Variants in KCMF1 observed in about 807,000 individuals in gnomAD.
The protein encoded by KCMF1 is E3 ubiquitin-protein ligase KCMF1.
In KCMF1, 3 loss-of-function variants were observed where a neutral mutation model predicts 41.1. That is an observed-to-expected ratio of 0.07 (90% CI 0.03 to 0.19). The LOEUF (loss-of-function observed/expected upper bound fraction) is 0.19, where lower values mean the gene tolerates loss of function less well. Among genes scored for constraint, KCMF1 ranks in the 10% least tolerant of loss-of-function variants. The pLI is 1.00. For synonymous variants in KCMF1, 142 were observed against 164.5 expected (o/e 0.86, Z 1.04); for missense variants, 286 against 488.9 (o/e 0.58, Z 3.91).
chr2:85,028,440 C>T (rs570426479), intron 2 of KCMF1, among the ~76,000 whole-genome samples: 11 of 151,258 alleles, frequency 7.3e-5, no homozygotes, highest in African/African-American at 1.7e-4. Context: ...CCGACTCAGC[C>T]GCCCAAAGTG....
At chr2:85,039,695 G>A (rs1369542728) in intron 3 of KCMF1, among the ~76,000 whole-genome samples, 2 of 152,156 alleles carry the variant, frequency 1.3e-5, no homozygotes, top group Non-Finnish European at 2.9e-5. Flanking sequence ...CAAAGGGGCT[G>A]CAGATAAAAA....
intron 1 of KCMF1, among the ~76,000 whole-genome samples, chr2:84,985,960 G>A (rs1181833258): frequency 6.6e-6 from 1 of 152,134 alleles, no homozygotes; most frequent in Non-Finnish European, 1.5e-5. Flanking sequence ...ATGTAATGAA[G>A]CAAGAGTAAT....
chr2:85,049,669 A>G, intron 6 of KCMF1, 21 bp downstream of exon 6: 1 of 1,588,894 alleles, frequency 6.3e-7, no homozygotes, highest in Non-Finnish European at 8.6e-7. Flanking sequence ...TGTTAATAGA[A>G]TTTTGTTTGG....
chr2:84,986,803 A>AC (rs1673911406), intron 1 of KCMF1, among the ~76,000 whole-genome samples: 1 of 151,930 alleles, frequency 6.6e-6, no homozygotes, highest in African/African-American at 2.4e-5. Context: ...ACTCGCTTGA[A>AC]CCCGAGAGGT....
chr2:85,010,618 T>C (rs1674628790), intron 1 of KCMF1, among the ~76,000 whole-genome samples: 1 of 152,190 alleles, frequency 6.6e-6, no homozygotes, highest in Admixed American at 6.5e-5. Context: ...ACTGAATTTT[T>C]AGTTTAATTT....
At chr2:85,016,478 AG>A (rs1375744757) in intron 1 of KCMF1, among the ~76,000 whole-genome samples, 1 of 151,934 alleles carries the variant, frequency 6.6e-6, no homozygotes, top group Non-Finnish European at 1.5e-5. Context: ...TATTTTGGCA[AG>A]GGATGATTTA....
chr2:85,052,904 CT>C (rs1236499683), intron 6 of KCMF1, among the ~76,000 whole-genome samples: 3 of 151,522 alleles, frequency 2.0e-5, no homozygotes, highest in Non-Finnish European at 4.4e-5. Context: ...GTCTAAATGT[CT>C]TTTTTTTTCT....
intron 1 of KCMF1, among the ~76,000 whole-genome samples, chr2:84,971,693 C>T (rs1204212140): frequency 4.8e-5 from 7 of 146,432 alleles, no homozygotes; most frequent in Non-Finnish European, 9.1e-5. Context: ...CGGGGCGGCC[C>T]GGGCGGCCGG....
intron 3 of KCMF1, among the ~76,000 whole-genome samples, chr2:85,038,362 G>T (rs2104046278): frequency 6.6e-6 from 1 of 152,312 alleles, no homozygotes; most frequent in East Asian, 1.9e-4. Context: ...TGGCCAAGGT[G>T]CAGGTAGCTA....
chr2:85,019,265 A>G (rs1171607306), intron 1 of KCMF1, among the ~76,000 whole-genome samples: 2 of 152,170 alleles, frequency 1.3e-5, no homozygotes, highest in Admixed American at 6.6e-5. Context: ...CCTGTAGTTG[A>G]CAGTAGTGGA....
chr2:84,985,451 C>T (rs1673876745), intron 1 of KCMF1, among the ~76,000 whole-genome samples: 1 of 152,198 alleles, frequency 6.6e-6, no homozygotes, highest in Non-Finnish European at 1.5e-5. Flanking sequence ...TTCTTGACCC[C>T]TGTTACTCTA....
At chr2:85,006,956 A>G (rs1674486221) in intron 1 of KCMF1, among the ~76,000 whole-genome samples, 1 of 151,868 alleles carries the variant, frequency 6.6e-6, no homozygotes, top group Admixed American at 6.6e-5. Context: ...TAAAAATACA[A>G]AATTAGCCAG....
chr2:85,019,009 T>C (rs1276656951), intron 1 of KCMF1, among the ~76,000 whole-genome samples: 1 of 152,106 alleles, frequency 6.6e-6, no homozygotes, highest in Non-Finnish European at 1.5e-5. Flanking sequence ...AGTGCTGGGA[T>C]TACAGGCGTG....
At chr2:85,045,748 T>G (rs950099985) in intron 4 of KCMF1, among the ~76,000 whole-genome samples, 1 of 152,220 alleles carries the variant, frequency 6.6e-6, no homozygotes, top group African/African-American at 2.4e-5. Flanking sequence ...GAAAGAAGCT[T>G]GAAGACAGAG....
chr2:84,993,919 TTTGTTTTGTTTTG>T (rs1040200379), intron 1 of KCMF1, among the ~76,000 whole-genome samples: 3 of 114,152 alleles, frequency 2.6e-5, no homozygotes, highest in Non-Finnish European at 5.5e-5. Flanking sequence ...TTTGTTTTGT[TTTGTTTTGTTTTG>T]TTTTGTTTTG....
At chr2:85,017,839 C>T (rs1253529306) in intron 1 of KCMF1, among the ~76,000 whole-genome samples, 22 of 152,126 alleles carry the variant, frequency 1.4e-4, no homozygotes, top group Non-Finnish European at 2.9e-5. Context: ...TATTAAAAAC[C>T]TCTTTTATTT....
intron 6 of KCMF1, among the ~76,000 whole-genome samples, chr2:85,052,072 G>A (rs1453475813): frequency 6.6e-6 from 1 of 152,170 alleles, no homozygotes. Flanking sequence ...GTGTAAGTCA[G>A]ATCGGTCTTT....
Position 84,995,281 on chromosome 2 carries a change from A to G in KCMF1, c.16+23814A>G, listed in dbSNP as rs989519293. On this transcript the variant is annotated intron_variant, in intron 1 of 6. Transcript: ENST00000409785. ...GTGATCCACCCACCTTGGCCTCCCA[A>G]AGTGCTGGGATTACAGGTGTGAGCC... 4.6e-5 allele frequency among the ~76,000 whole-genome samples: 7 copies of G among 152,256 alleles called. No homozygotes were observed. In the Middle Eastern group the frequency reaches 0.01, roughly 222 times the overall value.
chr2:85,050,528 A>G (rs1675781438), intron 6 of KCMF1, among the ~76,000 whole-genome samples: 1 of 152,204 alleles, frequency 6.6e-6, no homozygotes, highest in South Asian at 2.1e-4. Flanking sequence ...TAGCAACTGC[A>G]TGTATTTGTC....
Sources: allele counts gnomAD v4.1 joint callset (sites outside exome capture counted in the v4.1 genomes callset), GRCh38; gene constraint gnomAD v4.1.1; transcripts MANE v1.5; gene names NCBI Gene and HGNC (gene_info 2026-07-23, HGNC 2026-07-21).